Variants in SPTLC3 observed in about 807,000 individuals in gnomAD.
SPTLC3 encodes the protein serine palmitoyltransferase 3.
A neutral mutation model predicts 59.3 loss-of-function variants in SPTLC3; 36 were observed. That is an observed-to-expected ratio of 0.61 (90% CI 0.47 to 0.80). The LOEUF (loss-of-function observed/expected upper bound fraction) is 0.80. Ranked by LOEUF, SPTLC3 falls within the 30% of genes least tolerant of loss-of-function variation. The pLI is 0.00. For missense variants in SPTLC3, 625 were observed against 685.1 expected (o/e 0.91, Z 0.98); for synonymous variants, 257 against 240.8 (o/e 1.07, Z -0.62).
intron 5 of SPTLC3, among the ~76,000 whole-genome samples, chr20:13,092,781 C>G (rs2122631509): frequency 6.6e-6 from 1 of 152,214 alleles, no homozygotes; most frequent in South Asian, 2.1e-4. Flanking sequence ...TTCAAAGATT[C>G]TGGAAGACCA....
chr20:13,057,708 A>G (rs758659898), intron 2 of SPTLC3, among the ~76,000 whole-genome samples: 2 of 152,244 alleles, frequency 1.3e-5, no homozygotes, highest in Non-Finnish European at 2.9e-5. Context: ...AAAAAGGACA[A>G]GATGCAAAGT....
At chr20:13,107,070 T>C (rs1054705854) in intron 6 of SPTLC3, among the ~76,000 whole-genome samples, 1 of 152,154 alleles carries the variant, frequency 6.6e-6, no homozygotes, top group Non-Finnish European at 1.5e-5. Flanking sequence ...GTCTAAAAAA[T>C]GGTAAGAAAA....
intron 2 of SPTLC3, among the ~76,000 whole-genome samples, chr20:13,051,974 G>A (rs1483702175): frequency 3.3e-5 from 5 of 152,058 alleles, no homozygotes; most frequent in African/African-American, 1.2e-4. Flanking sequence ...CAGAATGTCT[G>A]AAAGAGCACA....
chr20:13,029,751 T>C (rs146179784), intron 1 of SPTLC3, among the ~76,000 whole-genome samples: 2 of 152,294 alleles, frequency 1.3e-5, no homozygotes, highest in African/African-American at 4.8e-5. Flanking sequence ...TTCAACTAAG[T>C]GTAATCTGTA....
intron 5 of SPTLC3, among the ~76,000 whole-genome samples, chr20:13,092,452 G>C (rs182983044): frequency 6.6e-6 from 1 of 152,162 alleles, no homozygotes; most frequent in African/African-American, 2.4e-5. Context: ...AACATCAAAC[G>C]AATGATAATG....
chr20:13,151,985 TAA>T (rs942016346), intron 9 of SPTLC3, among the ~76,000 whole-genome samples: 1 of 147,578 alleles, frequency 6.8e-6, no homozygotes, highest in African/African-American at 2.5e-5. Flanking sequence ...CTGCCTCTAC[TAA>T]AAAAAAAAGA....
intron 1 of SPTLC3, among the ~76,000 whole-genome samples, chr20:13,039,983 T>C (rs1986903232): frequency 6.6e-6 from 1 of 152,014 alleles, no homozygotes; most frequent in Non-Finnish European, 1.5e-5. Flanking sequence ...TGTTGTACAA[T>C]TTTATGTCTT....
intron 1 of SPTLC3, among the ~76,000 whole-genome samples, chr20:13,026,192 T>C (rs1408271287): frequency 2.0e-5 from 3 of 152,222 alleles, no homozygotes; most frequent in Non-Finnish European, 4.4e-5. Context: ...TGAACATATA[T>C]GTGCATGTTT....
At chr20:13,016,362 A>G (rs553370763) in intron 1 of SPTLC3, among the ~76,000 whole-genome samples, 1 of 152,192 alleles carries the variant, frequency 6.6e-6, no homozygotes, top group South Asian at 2.1e-4. Context: ...AAGCTAATAA[A>G]TCAATTGTTG....
intron 7 of SPTLC3, among the ~76,000 whole-genome samples, chr20:13,114,373 A>T (rs1446982179): frequency 6.6e-6 from 1 of 152,226 alleles, no homozygotes; most frequent in Non-Finnish European, 1.5e-5. Context: ...ATCAACTCAT[A>T]GTGGTTGAGA....
intron 4 of SPTLC3, among the ~76,000 whole-genome samples, chr20:13,081,742 C>A (rs1371803268): frequency 6.6e-6 from 1 of 152,036 alleles, no homozygotes; most frequent in Admixed American, 6.5e-5. Flanking sequence ...TAATAGACAC[C>A]ACAAAACCTT....
intron 1 of SPTLC3, among the ~76,000 whole-genome samples, chr20:13,024,794 A>G (rs1472520990): frequency 6.6e-6 from 1 of 152,216 alleles, no homozygotes; most frequent in Non-Finnish European, 1.5e-5. Context: ...CCCCTGCTAC[A>G]CACTCATAAT....
intron 2 of SPTLC3, among the ~76,000 whole-genome samples, chr20:13,062,342 G>A (rs6109679): frequency 0.21 from 32,489 of 152,142 alleles, 3,537 homozygotes; most frequent in East Asian, 0.26. Flanking sequence ...ACCAAAGGCC[G>A]AGAAATATTT....
intron 2 of SPTLC3, among the ~76,000 whole-genome samples, chr20:13,058,014 A>G (rs1987797279): frequency 6.6e-6 from 1 of 152,222 alleles, no homozygotes. Flanking sequence ...AAAATCCGAT[A>G]TAACATGGCA....
chr20:13,031,678 G>A (rs1986465182), intron 1 of SPTLC3, among the ~76,000 whole-genome samples: 1 of 152,120 alleles, frequency 6.6e-6, no homozygotes, highest in African/African-American at 2.4e-5. Flanking sequence ...CACTACCCAA[G>A]TGATCTTTCC....
chr20:13,139,171 G>A (rs2038321964), intron 9 of SPTLC3, among the ~76,000 whole-genome samples: 1 of 152,032 alleles, frequency 6.6e-6, no homozygotes. Context: ...ATGTTTTTGT[G>A]ACATTACTTG....
Position 13,110,065 on chromosome 20 carries a change from A to G in SPTLC3, c.827-47A>G, listed in dbSNP as rs140202361. The G allele has an allele frequency of 3.3e-5, 50 of 1,500,256 alleles. No homozygotes were observed. The African/African-American group carries it at 6.1e-4, about 18-fold the overall frequency. The allele number at this position is 1,500,256 out of a possible 1,614,324, so 92.9% of individuals were successfully genotyped here. A position where few individuals can be genotyped will look rare whatever the true frequency, so the allele number is the denominator to read the frequency against. On this transcript the variant is annotated intron_variant, in intron 6 of 11. Transcript: ENST00000399002. Reference sequence around the variant, plus strand: ...TGGAAAAAGAAAGTGGAAAAGGAAAAGTAAACCCTTTCATGACTCAATTTT... The same window carrying G: ...TGGAAAAAGAAAGTGGAAAAGGAAAGGTAAACCCTTTCATGACTCAATTTT...
At chr20:13,158,391 C>T (rs2038821905) in intron 10 of SPTLC3, among the ~76,000 whole-genome samples, 1 of 152,262 alleles carries the variant, frequency 6.6e-6, no homozygotes, top group Admixed American at 6.5e-5. Flanking sequence ...AATGAATCAA[C>T]AGAGTCATAT....
chr20:13,051,156 G>A (rs1014847396), intron 2 of SPTLC3: 2 of 152,102 alleles, frequency 1.3e-5, no homozygotes, highest in Admixed American at 6.6e-5. Context: ...CCACAGAATG[G>A]GTAAGAACTC....
Sources: allele counts gnomAD v4.1 joint callset (sites outside exome capture counted in the v4.1 genomes callset), GRCh38; gene constraint gnomAD v4.1.1; transcripts MANE v1.5; gene names NCBI Gene and HGNC (gene_info 2026-07-23, HGNC 2026-07-21).